Variants in BICC1 observed in about 807,000 individuals in gnomAD.
The protein encoded by BICC1 is BicC family RNA binding protein 1.
BICC1 carries 43 observed loss-of-function variants against 111.0 expected under a neutral mutation model. The observed-to-expected ratio is 0.39, with a 90% CI of 0.30 to 0.50. The LOEUF (loss-of-function observed/expected upper bound fraction) is 0.50. BICC1 is among the 20% of genes least tolerant of loss of function. The probability of loss-of-function intolerance (pLI) is 0.88; values close to 1 mark genes in which losing one functional copy is unlikely to be tolerated. For missense variants in BICC1, 1,091 were observed against 1,203.2 expected (o/e 0.91, Z 1.38); for synonymous variants, 467 against 434.4 (o/e 1.07, Z -0.93).
At chr10:58,597,615 G>C (rs1310134683) in intron 1 of BICC1, among the ~76,000 whole-genome samples, 3 of 152,078 alleles carry the variant, frequency 2.0e-5, no homozygotes, top group Non-Finnish European at 4.4e-5. Flanking sequence ...TACTGCAGGA[G>C]ACCAGGGGGT....
At chr10:58,700,405 T>C (rs1840196433) in intron 2 of BICC1, among the ~76,000 whole-genome samples, 1 of 152,028 alleles carries the variant, frequency 6.6e-6, no homozygotes, top group Non-Finnish European at 1.5e-5. Context: ...AAAGATAACA[T>C]TTTTTCTTTT....
intron 3 of BICC1, among the ~76,000 whole-genome samples, chr10:58,755,313 G>A (rs1842114267): frequency 3.9e-5 from 6 of 152,114 alleles, no homozygotes; most frequent in Admixed American, 3.3e-4. Context: ...TTTGCTTTTG[G>A]TCACCTTAGG....
chr10:58,526,056 G>T (rs990564252), intron 1 of BICC1, among the ~76,000 whole-genome samples: 1 of 151,804 alleles, frequency 6.6e-6, no homozygotes, highest in African/African-American at 2.4e-5. Context: ...GAAGAATGAT[G>T]GTAGTTGCAA....
At chr10:58,697,574 A>G (rs1840100466) in intron 2 of BICC1, among the ~76,000 whole-genome samples, 1 of 152,168 alleles carries the variant, frequency 6.6e-6, no homozygotes, top group Non-Finnish European at 1.5e-5. Context: ...TTTCAGCCAC[A>G]TCTTCCTAGC....
At chr10:58,660,257 C>T (rs191340985) in intron 2 of BICC1, among the ~76,000 whole-genome samples, 96 of 152,154 alleles carry the variant, frequency 6.3e-4, no homozygotes, top group Admixed American at 1.5e-3. Context: ...GTCTTCTCCC[C>T]GACAACACAG....
chr10:58,580,103 C>T (rs1212548239), intron 1 of BICC1, among the ~76,000 whole-genome samples: 1 of 151,526 alleles, frequency 6.6e-6, no homozygotes, highest in African/African-American at 2.4e-5. Flanking sequence ...CAGCTCACTG[C>T]AACCTTCACC....
At chr10:58,818,932 A>T (rs1182551079) in intron 19 of BICC1, among the ~76,000 whole-genome samples, 2 of 152,152 alleles carry the variant, frequency 1.3e-5, no homozygotes, top group African/African-American at 4.8e-5. Flanking sequence ...TTCCTATTTG[A>T]AGAAGCATAG....
At chr10:58,640,274 A>G (rs1180179523) in intron 2 of BICC1, among the ~76,000 whole-genome samples, 1 of 152,256 alleles carries the variant, frequency 6.6e-6, no homozygotes, top group South Asian at 2.1e-4. Flanking sequence ...TTTATTTGCT[A>G]TTTGGATATA....
intron 3 of BICC1, among the ~76,000 whole-genome samples, chr10:58,718,111 T>C (rs1840806140): frequency 6.6e-6 from 1 of 152,206 alleles, no homozygotes; most frequent in South Asian, 2.1e-4. Context: ...TGTTAGTGAG[T>C]TGTTGTCTTA....
chr10:58,596,393 G>A (rs372250996), intron 1 of BICC1, among the ~76,000 whole-genome samples: 53 of 152,232 alleles, frequency 3.5e-4, no homozygotes, highest in African/African-American at 1.2e-3. Flanking sequence ...AATAAACTGA[G>A]TACCCATGGA....
At chr10:58,646,064 CTT>C (rs61143812) in intron 2 of BICC1, among the ~76,000 whole-genome samples, 12 of 142,980 alleles carry the variant, frequency 8.4e-5, no homozygotes, top group Admixed American at 7.0e-5. Context: ...ATTTGCAATG[CTT>C]TTTTTTTTTT....
intron 2 of BICC1, among the ~76,000 whole-genome samples, chr10:58,662,147 A>G (rs1463998625): frequency 6.6e-6 from 1 of 152,204 alleles, no homozygotes; most frequent in East Asian, 1.9e-4. Flanking sequence ...TACTTGAAGA[A>G]AACTTAAGTG....
chr10:58,783,402 G>T (rs933964454), intron 3 of BICC1, among the ~76,000 whole-genome samples: 2 of 151,790 alleles, frequency 1.3e-5, no homozygotes, highest in African/African-American at 4.8e-5. Flanking sequence ...TTTGGTGAGG[G>T]GAGTGGCAAT....
At chr10:58,625,357 G>A (rs561729902) in intron 2 of BICC1, among the ~76,000 whole-genome samples, 125 of 152,282 alleles carry the variant, frequency 8.2e-4, no homozygotes, top group African/African-American at 2.9e-3. Context: ...GTCAGTGATT[G>A]TATTACACAT....
chr10:58,789,598 A>G (rs1410875292), intron 7 of BICC1, 84 bp from the exon 8 acceptor site: 3 of 1,545,622 alleles, frequency 1.9e-6, no homozygotes, highest in Non-Finnish European at 1.8e-6. Context: ...ATTTTTCCAT[A>G]GCTGTTAGAA....
rs549697137 is a variant in BICC1 at position 58,679,511 on chromosome 10, C to A, written c.238-22563C>A. Among the ~76,000 whole-genome samples, 18 of 152,170 alleles carry A rather than the reference C, an allele frequency of 1.2e-4. 2 individuals carry two copies. In the South Asian group the frequency reaches 3.7e-3, roughly 32 times the overall value. ...GAAGAAATCGAATCCCTAAATAGAC[C>A]AATAACGAGTTCTGAAATTGAGGCA... On this transcript the variant is annotated intron_variant, in intron 2 of 20. Coordinates refer to ENST00000373886, the MANE Select transcript of BICC1 (RefSeq NM_001080512.3).
chr10:58,803,459 A>T (rs1331422283), intron 15 of BICC1, among the ~76,000 whole-genome samples: 1 of 152,240 alleles, frequency 6.6e-6, no homozygotes, highest in East Asian at 1.9e-4. Flanking sequence ...AAAATATATT[A>T]AAAATGGTGC....
rs754994177 is a variant in BICC1 at position 58,631,230 on chromosome 10, A to G, written c.237+10329A>G. 3.9e-5 allele frequency among the ~76,000 whole-genome samples: 6 copies of G among 152,002 alleles called. No individual in the cohort carries two copies. The East Asian group carries it at 5.8e-4, about 15-fold the overall frequency. On this transcript the variant is annotated intron_variant, in intron 2 of 20. Coordinates refer to ENST00000373886, the MANE Select transcript of BICC1 (RefSeq NM_001080512.3). ...TTAGCATGGCAGATAAATATTTTCTATTTTTCTTATTGATAGTTACGGAGA... is the reference window on the plus strand; with the variant it reads ...TTAGCATGGCAGATAAATATTTTCTGTTTTTCTTATTGATAGTTACGGAGA...
In BICC1 at chr10:58,762,296, AG is replaced by A. The variant is rs1042654765; in HGVS notation, c.308-22704del. Among the ~76,000 whole-genome samples, 39 of 152,200 alleles carry A rather than the reference AG, an allele frequency of 2.6e-4. 1 individual carries two copies. Among genetic ancestry groups the A allele is most frequent in the African/African-American group, 9.2e-4 (38 of 41,458 alleles). The stretch of plus-strand genomic sequence containing the variant: ...AAATGTAAGAAATGCCACTAAAATG[AG>A]AAAATATGGTCAAACATTGAGAACT... On this transcript the variant is annotated intron_variant, in intron 3 of 20. Coordinates refer to ENST00000373886, the MANE Select transcript of BICC1 (RefSeq NM_001080512.3).
Sources: gnomAD v4.1 joint callset for allele counts (sites outside exome capture counted in the v4.1 genomes callset) on GRCh38, gnomAD v4.1.1 for gene constraint, MANE v1.5 for transcripts, NCBI Gene and HGNC (gene_info 2026-07-23, HGNC 2026-07-21) for gene names.